Variants in SERBP1 observed in about 807,000 individuals in gnomAD.
The protein encoded by SERBP1 is SERPINE1 mRNA-binding protein 1.
A neutral mutation model predicts 50.2 loss-of-function variants in SERBP1; 6 were observed. That is an observed-to-expected ratio of 0.12 (90% CI 0.07 to 0.24). SERBP1 has a LOEUF of 0.24. Ranked by LOEUF, SERBP1 falls within the 10% of genes least tolerant of loss-of-function variation. SERBP1 has a pLI of 1.00. For missense variants in SERBP1, 346 were observed against 524.9 expected, an observed-to-expected ratio of 0.66 and a Z score of 3.33; for synonymous variants, 168 against 182.8, an observed-to-expected ratio of 0.92 and a Z score of 0.65.
chr1:67,412,406 T>C lies in SERBP1; in HGVS notation c.*801A>G, dbSNP rs998532172. On this transcript the variant is annotated 3_prime_UTR_variant, in exon 8 of 8. Coordinates refer to ENST00000361219, the MANE Select transcript of SERBP1 (RefSeq NM_001018069.2). ...CGATGTGCCTACCAACAATAAGTAG[T>C]TTAAACAACTTTCACCAATTAAGAT... The C allele has an allele frequency of 7.2e-5, 11 of 152,460 alleles. No individual in the cohort carries two copies. Among genetic ancestry groups the C allele is most frequent in the African/African-American group, 2.7e-4 (11 of 41,448 alleles). 9.4% of individuals were successfully genotyped at this position (152,460 alleles called of 1,614,324 possible).
intron 1 of SERBP1, among the ~76,000 whole-genome samples, chr1:67,427,365 G>A (rs777667533): frequency 3.3e-5 from 5 of 152,110 alleles, no homozygotes; most frequent in African/African-American, 4.8e-5. Flanking sequence ...AAGATTGTTG[G>A]TATGCTCTAA....
In SERBP1 at chr1:67,418,098, C is replaced by T. The variant is rs187361981; in HGVS notation, c.951+1911G>A. Among the ~76,000 whole-genome samples the T allele has an allele frequency of 3.5e-3, 523 of 149,668 alleles. 4 individuals carry two copies. Among genetic ancestry groups the T allele is most frequent in the African/African-American group, 0.011 (462 of 40,860 alleles). On this transcript the variant is annotated intron_variant, in intron 6 of 7. Coordinates refer to ENST00000361219, the MANE Select transcript of SERBP1 (RefSeq NM_001018069.2). Reference sequence around the variant, plus strand: ...TAAAGTGATTCTCCTGCCTCAGCCTCCTGAGTAGCTGGGATTACAGGCATG... The same window carrying T: ...TAAAGTGATTCTCCTGCCTCAGCCTTCTGAGTAGCTGGGATTACAGGCATG...
At chr1:67,414,170 C>T (rs1666930301) in intron 7 of SERBP1, among the ~76,000 whole-genome samples, 1 of 152,216 alleles carries the variant, frequency 6.6e-6, no homozygotes. Context: ...GTTCAGTATT[C>T]TTATACTTTT....
rs2100397189 is a variant in SERBP1 at position 67,409,248 on chromosome 1, CGA to C, written c.*3957_*3958del. 1 of 151,742 alleles carries C rather than the reference CGA, an allele frequency of 6.6e-6. No individual in the cohort carries two copies. Among genetic ancestry groups the C allele is most frequent in the South Asian group, 2.1e-4 (1 of 4,786 alleles). 9.4% of individuals were successfully genotyped at this position (151,742 alleles called of 1,614,324 possible). A position where few individuals can be genotyped will look rare whatever the true frequency, so the allele number is the denominator to read the frequency against. On this transcript the variant is annotated 3_prime_UTR_variant, in exon 8 of 8. Coordinates refer to ENST00000361219, the MANE Select transcript of SERBP1 (RefSeq NM_001018069.2). Reference sequence around the variant, plus strand: ...TTCAAAGAAACAAACTCTTGTAACCCGAGAGTGACAGTTCCGGGGTCAGCAAA... The same window carrying C: ...TTCAAAGAAACAAACTCTTGTAACCCGAGTGACAGTTCCGGGGTCAGCAAA...
At chr1:67,425,360 A>T (rs1667335190) in intron 2 of SERBP1, 137 bp from the exon 3 acceptor site, 4 of 809,246 alleles carry the variant, frequency 4.9e-6, no homozygotes. Context: ...CAGAAAATTC[A>T]AAATAGTCTG....
intron 6 of SERBP1, among the ~76,000 whole-genome samples, chr1:67,418,738 G>A (rs999789972): frequency 2.0e-5 from 3 of 150,210 alleles, no homozygotes; most frequent in African/African-American, 7.4e-5. Flanking sequence ...CAGCCTGGGC[G>A]ACAGAGCCAG....
intron 6 of SERBP1, among the ~76,000 whole-genome samples, chr1:67,417,607 C>A (rs952582906): frequency 1.3e-5 from 2 of 151,158 alleles, no homozygotes; most frequent in African/African-American, 4.9e-5. Flanking sequence ...GCCTCCTGGG[C>A]TCAAGTGATC....
intron 6 of SERBP1, among the ~76,000 whole-genome samples, chr1:67,416,011 CTTTTT>C (rs376512995): frequency 5.6e-5 from 7 of 125,340 alleles, no homozygotes; most frequent in Admixed American, 1.7e-4. Context: ...TCACAGGAAC[CTTTTT>C]TTTTTTTTTT....
chr1:67,429,114 GA>G (rs201066547), intron 1 of SERBP1, among the ~76,000 whole-genome samples: 30 of 149,180 alleles, frequency 2.0e-4, no homozygotes, highest in African/African-American at 6.9e-4. Flanking sequence ...ACATGTGGTG[GA>G]AAAAAAAAAC....
chr1:67,429,933 C>CT (rs1365005406), intron 1 of SERBP1, 55 bp downstream of exon 1: 4 of 1,499,008 alleles, frequency 2.7e-6, no homozygotes, highest in Non-Finnish European at 2.7e-6. Context: ...CAGCCGGCAG[C>CT]CCCCTCGCTC....
intron 1 of SERBP1, among the ~76,000 whole-genome samples, chr1:67,427,175 C>T (rs570647267): frequency 3.5e-4 from 54 of 152,250 alleles, no homozygotes; most frequent in African/African-American, 1.2e-3. Flanking sequence ...ACGTTAAGAC[C>T]GCTTTTAAGC....
At chr1:67,429,636 C>T (rs551721156) in intron 1 of SERBP1, 90 of 201,536 alleles carry the variant, frequency 4.5e-4, no homozygotes, top group African/African-American at 1.9e-3. Flanking sequence ...GGCCGGCTTC[C>T]CCGCACCTCA....
rs1272244891 is a variant in SERBP1 at position 67,425,219 on chromosome 1, T to G, written c.469A>C (p.Ile157Leu). The G allele has an allele frequency of 2.5e-6, 4 of 1,602,098 alleles. No homozygotes were observed. Among genetic ancestry groups the G allele is most frequent in the African/African-American group, 1.4e-5 (1 of 74,052 alleles). Residue 157 changes from isoleucine (I) to leucine (L), a missense_variant, in exon 3 of 8, where the codon ATT becomes CTT. By Grantham distance (5) the Ile-to-Leu change is conservative. Coordinates refer to ENST00000361219, the MANE Select transcript of SERBP1 (RefSeq NM_001018069.2). ...CGACCTCGAATAGGTCGGTCAATAA[T>G]CGGTCTATAATATAAACAAATAAAT... ...EGGEFSVDRP[I>L]IDRPIRGRGG...
chr1:67,425,114 C>T lies in SERBP1; in HGVS notation c.574G>A (p.Glu192Lys). ...GDGFDSRGKREFDRHSGSDRS... is the reference protein window; with the variant it reads ...GDGFDSRGKRKFDRHSGSDRS... ...TCACTTCCACTATGCCTATCAAATTCACGTTTGCCACGAGAATCAAATCCA... is the reference window on the plus strand; with the variant it reads ...TCACTTCCACTATGCCTATCAAATTTACGTTTGCCACGAGAATCAAATCCA... The change falls in exon 3 of 8, where the codon GAA becomes AAA. Residue 192 changes from glutamate (E) to lysine (K), a missense_variant. Transcript: ENST00000361219. The T allele has an allele frequency of 6.2e-7, 1 of 1,611,490 alleles. No homozygotes were observed. Among genetic ancestry groups the T allele is most frequent in the Non-Finnish European group, 8.5e-7 (1 of 1,179,748 alleles).
chr1:67,428,436 CTGGTACACATTAT>C (rs1344802408), intron 1 of SERBP1, among the ~76,000 whole-genome samples: 1 of 152,164 alleles, frequency 6.6e-6, no homozygotes, highest in African/African-American at 2.4e-5. Flanking sequence ...ACACATCTAC[CTGGTACACATTAT>C]TCGTCAGATT....
In SERBP1 at chr1:67,410,487, T is replaced by C. The variant is rs773838107; in HGVS notation, c.*2720A>G. On this transcript the variant is annotated 3_prime_UTR_variant, in exon 8 of 8. Transcript: ENST00000361219. ...AATAAGAGTAAAGGAACTAACTAGA[T>C]GTATATGGTGCCAATTTTTAAAAGT... The C allele has an allele frequency of 6.6e-6, 1 of 152,198 alleles. No homozygotes were observed. Among genetic ancestry groups the C allele is most frequent in the Non-Finnish European group, 1.5e-5 (1 of 68,032 alleles). 9.4% of individuals were successfully genotyped at this position (152,198 alleles called of 1,614,324 possible).
Position 67,424,274 on chromosome 1 carries a change from G to A in SERBP1, c.699C>T (p.Asp233=), listed in dbSNP as rs1298440549. ...CCTCAGTCACATTTGATTGATCCAA[G>A]TCACTGTAATTATAAGATATTTGTT... is the stretch of plus-strand genomic sequence containing the variant. ...NWGTVKDELT[D]LDQSNVTEET... Residue 233 remains aspartate (D), a synonymous_variant, in exon 5 of 8, where the codon GAC becomes GAT. Transcript: ENST00000361219. The A allele has an allele frequency of 1.2e-6, 2 of 1,611,168 alleles. No homozygotes were observed. Among genetic ancestry groups the A allele is most frequent in the East Asian group, 4.5e-5 (2 of 44,738 alleles).
rs200416643 is a variant in SERBP1, at chr1:67,414,376, A to AT, written c.1125+789_1125+790insA. On this transcript the variant is annotated intron_variant, in intron 7 of 7. Coordinates refer to ENST00000361219, the MANE Select transcript of SERBP1 (RefSeq NM_001018069.2). ...ACACAACCACCACCTTAAAAAAAAA[A>AT]GGTTGGTCTTAGAGGGAGGAACAAA... 3.2e-3 allele frequency among the ~76,000 whole-genome samples: 481 copies of AT among 149,432 alleles called. 5 individuals carry two copies. The highest frequency in any genetic ancestry group is 0.03 in the East Asian group (154 of 5,112).
chr1:67,415,055 A>C (rs1251473309), intron 7 of SERBP1, 111 bp downstream of exon 7: 44 of 1,203,576 alleles, frequency 3.7e-5, no homozygotes, highest in Non-Finnish European at 1.6e-5. Context: ...TTTCTTAAAG[A>C]CACTGCTACT....
Sources: gnomAD v4.1 joint callset for allele counts (sites outside exome capture counted in the v4.1 genomes callset) on GRCh38, gnomAD v4.1.1 for gene constraint, MANE v1.5 for transcripts, NCBI Gene and HGNC (gene_info 2026-07-23, HGNC 2026-07-21) for gene names.